NECAB3: variants seen among roughly 807,000 people sequenced by gnomAD.
The protein encoded by NECAB3 is N-terminal EF-hand calcium binding protein 3, also known as N-terminal EF-hand calcium-binding protein 3.
Under a neutral mutation model 57.2 loss-of-function variants are expected in NECAB3, and 38 were observed. That is an observed-to-expected ratio of 0.66 (90% CI 0.51 to 0.87). NECAB3 has a LOEUF of 0.87. Among genes scored for constraint, NECAB3 ranks in the 40% least tolerant of loss-of-function variants. The pLI, the probability that NECAB3 is intolerant of heterozygous loss-of-function variation, is 0.00. For missense variants in NECAB3, 474 were observed against 527.5 expected, an observed-to-expected ratio of 0.90 and a Z score of 0.99; for synonymous variants, 223 against 222.6, an observed-to-expected ratio of 1.00 and a Z score of -0.02.
At position 33,668,049 on chromosome 20, in the gene NECAB3, G is replaced by T; in HGVS notation, c.387+1326C>A. On this transcript the variant is annotated intron_variant, in intron 5 of 11. Coordinates refer to ENST00000246190, the MANE Select transcript of NECAB3 (RefSeq NM_031232.4). Reference sequence around the variant, plus strand: ...CCGAGCGCCTGGACAAGGAGCTGGAGGCGCAGTGCCGGCGGCACGGCTACG... The same window carrying T: ...CCGAGCGCCTGGACAAGGAGCTGGATGCGCAGTGCCGGCGGCACGGCTACG... The T allele has an allele frequency of 1.2e-5, 18 of 1,558,196 alleles. No homozygotes were observed. Among genetic ancestry groups the T allele is most frequent in the Non-Finnish European group, 1.5e-5 (17 of 1,151,520 alleles).
At chr20:33,662,531 A>T in intron 5 of NECAB3, 1 of 1,529,520 alleles carries the variant, frequency 6.5e-7, no homozygotes, top group Non-Finnish European at 8.8e-7. Flanking sequence ...AGAAAGCTGG[A>T]CAAGTGGGTG....
chr20:33,662,476 G>A (rs1426937336), intron 5 of NECAB3: 3 of 1,551,418 alleles, frequency 1.9e-6, no homozygotes, highest in South Asian at 1.2e-5. Flanking sequence ...CCGGCTGTGA[G>A]GGCGGGGGAT....
intron 8 of NECAB3, 140 bp downstream of exon 8, chr20:33,659,357 C>T: frequency 1.4e-6 from 1 of 700,076 alleles, no homozygotes; most frequent in African/African-American, 1.8e-5. Flanking sequence ...GTTCTCAGAA[C>T]CCGGCACCTG....
Position 33,663,619 on chromosome 20 carries a change from CT to C in NECAB3, c.388-3225del, listed in dbSNP as rs1218381696. The C allele has an allele frequency of 1.9e-6, 3 of 1,609,838 alleles. No homozygotes were observed. In the East Asian group the frequency reaches 6.7e-5, roughly 36 times the overall value. On this transcript the variant is annotated intron_variant, in intron 5 of 11. Transcript: ENST00000246190. ...GATTGACTACGCGTCCGGCGCTGGG[CT>C]GGGCTCCCCGGCGGCACCCAGATTG...
intron 5 of NECAB3, among the ~76,000 whole-genome samples, chr20:33,661,818 T>C (rs1384146770): frequency 6.6e-6 from 1 of 152,150 alleles, no homozygotes; most frequent in African/African-American, 2.4e-5. Context: ...ACCTGGCTAA[T>C]GTTTGTATTT....
chr20:33,663,921 C>A, intron 5 of NECAB3: 4 of 1,342,224 alleles, frequency 3.0e-6, no homozygotes, highest in South Asian at 3.5e-5. Context: ...CTGGCGCCTG[C>A]GAACCCTGTC....
chr20:33,665,951 T>A (rs2017635811), intron 5 of NECAB3, among the ~76,000 whole-genome samples: 1 of 152,114 alleles, frequency 6.6e-6, no homozygotes, highest in Non-Finnish European at 1.5e-5. Context: ...CGTATGGTGG[T>A]GCATGCCTGT....
intron 5 of NECAB3, chr20:33,663,749 C>A: frequency 6.7e-7 from 1 of 1,493,998 alleles, no homozygotes; most frequent in South Asian, 1.3e-5. Context: ...GCCAGGGCAG[C>A]TCTGAGCTGG....
intron 5 of NECAB3, chr20:33,663,942 G>A: frequency 7.7e-7 from 1 of 1,293,396 alleles, no homozygotes; most frequent in Non-Finnish European, 1.0e-6. Context: ...GGAGGCGTCT[G>A]GGCGCGGAGT....
At chr20:33,658,371 A>C in intron 10 of NECAB3, 106 bp downstream of exon 10, 1 of 1,205,570 alleles carries the variant, frequency 8.3e-7, no homozygotes, top group South Asian at 1.3e-5. Context: ...GGGGTCACTC[A>C]TCTGAGGTCA....
At chr20:33,669,753 G>C in intron 3 of NECAB3, 41 bp from the exon 4 acceptor site, 1 of 1,550,070 alleles carries the variant, frequency 6.5e-7, no homozygotes, top group South Asian at 1.2e-5. Context: ...CCTGGGCCTG[G>C]TAAACTGGGA....
chr20:33,670,293 G>A (rs1331448495), intron 3 of NECAB3: 2 of 193,452 alleles, frequency 1.0e-5, no homozygotes, highest in Non-Finnish European at 2.1e-5. Flanking sequence ...GCACGGGAAG[G>A]AGCGTGCACA....
chr20:33,663,712 G>T (rs745544415), intron 5 of NECAB3: 3 of 1,529,904 alleles, frequency 2.0e-6, no homozygotes, highest in Non-Finnish European at 1.7e-6. Flanking sequence ...GCGGCGGCAA[G>T]AGGCGCGGCG....
chr20:33,668,066 A>G (rs1345825444), intron 5 of NECAB3: 1 of 1,573,306 alleles, frequency 6.4e-7, no homozygotes, highest in African/African-American at 1.4e-5. Context: ...TGCCGGCGGC[A>G]CGGCTACGCG....
intron 2 of NECAB3, among the ~76,000 whole-genome samples, chr20:33,671,058 A>C (rs1184029709): frequency 1.3e-5 from 2 of 152,254 alleles, no homozygotes. Flanking sequence ...GTAGGAACTC[A>C]GTAAATGTTT....
At chr20:33,673,921 G>A (rs949819202) in intron 1 of NECAB3, among the ~76,000 whole-genome samples, 3 of 152,112 alleles carry the variant, frequency 2.0e-5, no homozygotes, top group African/African-American at 7.2e-5. Context: ...CCAGCCTGGA[G>A]CTGCCACAGA....
chr20:33,674,546 T>C (rs2017914549), upstream of NECAB3: 15 of 421,712 alleles, frequency 3.6e-5, no homozygotes, highest in Non-Finnish European at 4.8e-5. Context: ...CCTCCGCGCT[T>C]CCGCGGCCAC....
chr20:33,661,311 G>A (rs984881392), intron 5 of NECAB3, among the ~76,000 whole-genome samples: 2 of 151,974 alleles, frequency 1.3e-5, no homozygotes, highest in East Asian at 1.9e-4. Flanking sequence ...ACACACACAC[G>A]CATCAGGGTG....
At position 33,658,716 on chromosome 20, in the gene NECAB3, A is replaced by G. The variant is rs1365371547; in HGVS notation, c.992+6T>C. The G allele has an allele frequency of 6.2e-7, 1 of 1,612,290 alleles. No homozygotes were observed. Among genetic ancestry groups the G allele is most frequent in the Non-Finnish European group, 8.5e-7 (1 of 1,179,214 alleles). ...TGGCCATCCCACCTGCCAGCTGGGG[A>G]CTCACTGCAGACAATGGCTCTGGGC... On this transcript the variant is annotated splice_donor_region_variant and intron_variant, in intron 9 of 11. Coordinates refer to ENST00000246190, the MANE Select transcript of NECAB3 (RefSeq NM_031232.4).
Sources: gnomAD v4.1 joint callset for allele counts (sites outside exome capture counted in the v4.1 genomes callset) on GRCh38, gnomAD v4.1.1 for gene constraint, MANE v1.5 for transcripts, NCBI Gene and HGNC (gene_info 2026-07-23, HGNC 2026-07-21) for gene names.